PLXNC1: variants seen among roughly 807,000 people sequenced by gnomAD.
The protein encoded by PLXNC1 is plexin-C1.
PLXNC1 carries 75 observed loss-of-function variants against 178.2 expected under a neutral mutation model. The ratio of observed to expected loss-of-function variants is 0.42; its 90% CI spans 0.35 to 0.51. The LOEUF is 0.51. Ranked by LOEUF, PLXNC1 falls within the 20% of genes least tolerant of loss-of-function variation. PLXNC1 has a pLI of 0.02. For missense variants in PLXNC1, 1,503 were observed against 1,984.4 expected, an observed-to-expected ratio of 0.76 and a Z score of 4.61; for synonymous variants, 790 against 779.9, an observed-to-expected ratio of 1.01 and a Z score of -0.22.
chr12:94,254,863 C>T lies in PLXNC1; in HGVS notation c.2958C>T (p.Ser986=), dbSNP rs773151001. 2.0e-5 allele frequency: 33 copies of T among 1,611,504 alleles called. No individual in the cohort carries two copies. Among genetic ancestry groups the T allele is most frequent in the Admixed American group, 5.0e-5 (3 of 59,722 alleles). The change falls in exon 16 of 31, where the codon AGC becomes AGT. Residue 986 remains serine, a synonymous_variant. Coordinates refer to ENST00000258526, the MANE Select transcript of PLXNC1 (RefSeq NM_005761.3). ...KQSQQLELLE[S]ELRKEIRDGF... ...GTCAACAACTAGAATTGCTGGAAAG[C>T]GAGCTCCGGAAAGAGATACGTGACG...
intron 1 of PLXNC1, among the ~76,000 whole-genome samples, chr12:94,166,548 T>A (rs1394406292): frequency 1.3e-5 from 2 of 149,096 alleles, no homozygotes; most frequent in Non-Finnish European, 3.0e-5. Flanking sequence ...ATTATTATTA[T>A]TATTATTATT....
chr12:94,296,981 C>CTCCAA (rs1967987728), intron 24 of PLXNC1, among the ~76,000 whole-genome samples: 1 of 152,216 alleles, frequency 6.6e-6, no homozygotes, highest in African/African-American at 2.4e-5. Flanking sequence ...CTACTTCCTC[C>CTCCAA]TCCAATCCCT....
intron 3 of PLXNC1, among the ~76,000 whole-genome samples, chr12:94,185,078 C>T (rs551220999): frequency 1.9e-4 from 29 of 152,168 alleles, no homozygotes; most frequent in Admixed American, 4.6e-4. Context: ...GATGAGGAAA[C>T]AAGGTTAGAG....
intron 5 of PLXNC1, among the ~76,000 whole-genome samples, chr12:94,214,733 C>G (rs7953000): frequency 0.44 from 66,878 of 151,788 alleles, 16,367 homozygotes; most frequent in East Asian, 0.62. Flanking sequence ...CAGAACTACT[C>G]AGCCATAAAC....
chr12:94,175,991 TA>T (rs1213955060), intron 2 of PLXNC1, among the ~76,000 whole-genome samples: 1 of 152,170 alleles, frequency 6.6e-6, no homozygotes, highest in Non-Finnish European at 1.5e-5. Context: ...ACTTGAAAGA[TA>T]AAGGAGTATA....
At chr12:94,281,496 C>T (rs2136143105) in intron 22 of PLXNC1, among the ~76,000 whole-genome samples, 1 of 152,192 alleles carries the variant, frequency 6.6e-6, no homozygotes, top group South Asian at 2.1e-4. Flanking sequence ...TCAGTGGTTG[C>T]CATGTGGACT....
rs533886822 is a variant in PLXNC1 at position 94,214,287 on chromosome 12, A to G, written c.1554+4583A>G. Among the ~76,000 whole-genome samples, 33 of 151,426 alleles carry G rather than the reference A, an allele frequency of 2.2e-4. No homozygotes were observed. The South Asian group carries it at 5.4e-3, about 25-fold the overall frequency. ...TTTTTTATAGAGATAAGGTCTCCCT[A>G]TGTTGCCCAGGCTGGTCTCAAACCC... On this transcript the variant is annotated intron_variant, in intron 5 of 30. Coordinates refer to ENST00000258526, the MANE Select transcript of PLXNC1 (RefSeq NM_005761.3).
At chr12:94,191,036 C>G (rs1288966092) in intron 4 of PLXNC1, among the ~76,000 whole-genome samples, 1 of 152,270 alleles carries the variant, frequency 6.6e-6, no homozygotes, top group Non-Finnish European at 1.5e-5. Flanking sequence ...TTCTCTACCT[C>G]TCTTTATTGA....
At position 94,169,270 on chromosome 12, in the gene PLXNC1, A is replaced by T; in HGVS notation, c.1180A>T (p.Thr394Ser). 1 of 1,613,844 alleles carries T rather than the reference A, an allele frequency of 6.2e-7. No homozygotes were observed. Among genetic ancestry groups the T allele is most frequent in the South Asian group, 1.1e-5 (1 of 91,054 alleles). The change falls in exon 2 of 31, where the codon ACT (threonine) becomes TCT (serine). Residue 394 changes from threonine (T) to serine (S), a missense_variant. Around this residue, in one of 4 missense-constraint regions of PLXNC1, gnomAD observed 615 missense variants for 698.6 expected, o/e 0.88. Transcript: ENST00000258526. ...GAACAGGACTGTTTTATTCTTGGGGACTGGAGATGGCCAGTTACTTAAGGT... is the reference window on the plus strand; with the variant it reads ...GAACAGGACTGTTTTATTCTTGGGGTCTGGAGATGGCCAGTTACTTAAGGT... ...VMNRTVLFLG[T>S]GDGQLLKVIL...
intron 4 of PLXNC1, among the ~76,000 whole-genome samples, chr12:94,200,034 C>G (rs1448965739): frequency 6.6e-6 from 1 of 152,182 alleles, no homozygotes; most frequent in Non-Finnish European, 1.5e-5. Context: ...ACCTCGTGAT[C>G]CCCCTACCTT....
At chr12:94,186,611 C>T in intron 4 of PLXNC1, 138 bp downstream of exon 4, 1 of 634,114 alleles carries the variant, frequency 1.6e-6, no homozygotes, top group Non-Finnish European at 2.9e-6. Context: ...TCTTGTTGTG[C>T]AATCCTAATG....
At chr12:94,198,793 A>G (rs1963016982) in intron 4 of PLXNC1, among the ~76,000 whole-genome samples, 2 of 151,920 alleles carry the variant, frequency 1.3e-5, no homozygotes, top group Non-Finnish European at 2.9e-5. Context: ...GTGTGTCCAA[A>G]TCTCCCTCTC....
chr12:94,303,293 ATTAC>A lies in PLXNC1; in HGVS notation c.4387-458_4387-455del, dbSNP rs918700858. Reference sequence around the variant, plus strand: ...CAAGCTGGAAAATCTGCCTCTGCCAATTACTTACCAGTTTCATGGTTATATAAAG... The same window carrying A: ...CAAGCTGGAAAATCTGCCTCTGCCAATTACCAGTTTCATGGTTATATAAAG... On this transcript the variant is annotated intron_variant, in intron 28 of 30. Transcript: ENST00000258526. Among the ~76,000 whole-genome samples the A allele has an allele frequency of 1.1e-4, 17 of 152,268 alleles. No homozygotes were observed. In the East Asian group the frequency reaches 1.9e-3, roughly 17 times the overall value.
intron 21 of PLXNC1, among the ~76,000 whole-genome samples, chr12:94,268,372 T>C (rs907265559): frequency 6.6e-6 from 1 of 151,962 alleles, no homozygotes; most frequent in African/African-American, 2.4e-5. Context: ...CCAAGCAAAG[T>C]CCCCTAGAGC....
intron 4 of PLXNC1, among the ~76,000 whole-genome samples, chr12:94,201,986 T>A (rs1223398604): frequency 6.6e-6 from 1 of 151,984 alleles, no homozygotes; most frequent in Non-Finnish European, 1.5e-5. Flanking sequence ...CAGGATGGTC[T>A]TGAGCTCCTG....
At chr12:94,286,805 C>T (rs1966849390) in intron 23 of PLXNC1, among the ~76,000 whole-genome samples, 1 of 152,162 alleles carries the variant, frequency 6.6e-6, no homozygotes, top group South Asian at 2.1e-4. Context: ...CCTGTTTCTT[C>T]TTTCCTTGTC....
intron 12 of PLXNC1, among the ~76,000 whole-genome samples, chr12:94,246,188 GTTA>G (rs1342271849): frequency 6.6e-6 from 1 of 152,210 alleles, no homozygotes; most frequent in Non-Finnish European, 1.5e-5. Flanking sequence ...CTGCAGGGCG[GTTA>G]TTATTTTGGC....
chr12:94,224,265 T>G lies in PLXNC1; in HGVS notation c.1740T>G (p.Ser580=). 6.2e-7 allele frequency: 1 copy of G among 1,605,928 alleles called. No homozygotes were observed. Among genetic ancestry groups the G allele is most frequent in the Non-Finnish European group, 8.5e-7 (1 of 1,172,516 alleles). Residue 580 remains serine (S), a synonymous_variant, in exon 7 of 31, where the codon TCT becomes TCG. Transcript: ENST00000258526. Reference sequence around the variant, plus strand: ...TCAACGTGATGTTCTCCTTCGGTTCTTGGAATTTATCAGACAGATTCAACT... The same window carrying G: ...TCAACGTGATGTTCTCCTTCGGTTCGTGGAATTTATCAGACAGATTCAACT... ...SVVNVMFSFG[S]WNLSDRFNFT...
intron 9 of PLXNC1, among the ~76,000 whole-genome samples, chr12:94,234,264 A>T (rs901045380): frequency 2.6e-5 from 4 of 152,106 alleles, no homozygotes; most frequent in Non-Finnish European, 5.9e-5. Context: ...TGGTAATTTG[A>T]ATTGTGTTGA....
Sources: allele counts gnomAD v4.1 joint callset (sites outside exome capture counted in the v4.1 genomes callset), GRCh38; gene constraint gnomAD v4.1.1; regional missense constraint gnomAD v4.1.1; transcripts MANE v1.5; gene names NCBI Gene and HGNC (gene_info 2026-07-23, HGNC 2026-07-21).